Variants in CLYBL observed in about 807,000 individuals in gnomAD.
The protein encoded by CLYBL is citramalyl-CoA lyase, also known as citramalyl-CoA lyase, mitochondrial.
Under a neutral mutation model 38.9 loss-of-function variants are expected in CLYBL, and 31 were observed. The ratio of observed to expected loss-of-function variants is 0.80; its 90% CI spans 0.60 to 1.08. The LOEUF (loss-of-function observed/expected upper bound fraction) is 1.08. Ranked by LOEUF, CLYBL falls within the 50% of genes least tolerant of loss-of-function variation. The probability of loss-of-function intolerance (pLI) is 0.00; values close to 1 mark genes in which losing one functional copy is unlikely to be tolerated. For missense variants in CLYBL, 434 were observed against 411.6 expected, an observed-to-expected ratio of 1.05 and a Z score of -0.47; for synonymous variants, 171 against 158.6, an observed-to-expected ratio of 1.08 and a Z score of -0.59.
At chr13:99,800,894 CAAAAAAAAAA>C (rs1389621348) in intron 2 of CLYBL, among the ~76,000 whole-genome samples, 11 of 114,508 alleles carry the variant, frequency 9.6e-5, no homozygotes, top group African/African-American at 3.0e-4. Flanking sequence ...ACAACAACAA[CAAAAAAAAAA>C]AACAAAAAAA....
At chr13:99,790,063 C>T (rs565014365) in intron 2 of CLYBL, among the ~76,000 whole-genome samples, 3,506 of 152,088 alleles carry the variant, frequency 0.023, 142 homozygotes, top group African/African-American at 0.079. Context: ...GATCTTCCTC[C>T]ATCCCTTTAT....
chr13:99,714,562 A>C (rs2048283707), intron 1 of CLYBL, among the ~76,000 whole-genome samples: 2 of 152,114 alleles, frequency 1.3e-5, no homozygotes, highest in African/African-American at 4.8e-5. Context: ...GGTTGCAGTG[A>C]GTGGAGACTG....
chr13:99,664,542 T>G (rs1188294098), intron 1 of CLYBL, among the ~76,000 whole-genome samples: 1 of 152,226 alleles, frequency 6.6e-6, no homozygotes, highest in Non-Finnish European at 1.5e-5. Flanking sequence ...ACTTTATAAT[T>G]TCCATGTACT....
At chr13:99,791,881 A>G (rs998368533) in intron 2 of CLYBL, among the ~76,000 whole-genome samples, 3 of 151,966 alleles carry the variant, frequency 2.0e-5, no homozygotes, top group African/African-American at 4.8e-5. Context: ...AGGGTAATAT[A>G]TTGGGACAGA....
chr13:99,680,123 A>C (rs2047713692), intron 1 of CLYBL, among the ~76,000 whole-genome samples: 1 of 152,184 alleles, frequency 6.6e-6, no homozygotes, highest in South Asian at 2.1e-4. Context: ...CCTACTAATT[A>C]ATGGGGGAAT....
chr13:99,625,507 A>G (rs138481057), intron 1 of CLYBL, among the ~76,000 whole-genome samples: 2 of 152,194 alleles, frequency 1.3e-5, no homozygotes, highest in Non-Finnish European at 2.9e-5. Context: ...TTGAGGGATT[A>G]TTGTTAATGA....
intron 1 of CLYBL, among the ~76,000 whole-genome samples, chr13:99,669,408 A>ACGTGGT: frequency 6.6e-6 from 1 of 152,164 alleles, no homozygotes; most frequent in Non-Finnish European, 1.5e-5. Flanking sequence ...GCCATTTGCA[A>ACGTGGT]AAATTCCACA....
chr13:99,652,424 A>G (rs78077600), intron 1 of CLYBL, among the ~76,000 whole-genome samples: 1,947 of 152,136 alleles, frequency 0.013, 29 homozygotes, highest in Non-Finnish European at 0.019. Context: ...TAAAATACAG[A>G]TATTGGCCAG....
intron 3 of CLYBL, among the ~76,000 whole-genome samples, chr13:99,862,431 CT>C (rs1318861767): frequency 1.3e-5 from 2 of 152,112 alleles, no homozygotes; most frequent in Non-Finnish European, 2.9e-5. Context: ...AATTGGCGAG[CT>C]TTGGTCTTCA....
chr13:99,902,974 A>G (rs1480407868), intron 8 of CLYBL, among the ~76,000 whole-genome samples: 1 of 152,220 alleles, frequency 6.6e-6, no homozygotes, highest in Non-Finnish European at 1.5e-5. Flanking sequence ...TCCGTCTTTG[A>G]CTTGTATTTC....
chr13:99,819,915 T>TTA (rs1800752136), intron 2 of CLYBL, among the ~76,000 whole-genome samples: 1 of 152,180 alleles, frequency 6.6e-6, no homozygotes, highest in African/African-American at 2.4e-5. Flanking sequence ...TAGGAATGTT[T>TTA]TACCAGTGAT....
At chr13:99,879,904 G>A (rs987120955) in intron 7 of CLYBL, among the ~76,000 whole-genome samples, 1 of 152,000 alleles carries the variant, frequency 6.6e-6, no homozygotes, top group African/African-American at 2.4e-5. Context: ...CATGGGGCTG[G>A]TAATAATAAC....
intron 7 of CLYBL, among the ~76,000 whole-genome samples, chr13:99,881,797 A>C (rs1020975753): frequency 2.0e-5 from 3 of 152,194 alleles, no homozygotes; most frequent in Admixed American, 6.5e-5. Context: ...CAAGGACCAA[A>C]TATCACTGCC....
chr13:99,727,109 A>C (rs925864725), intron 1 of CLYBL: 13 of 151,804 alleles, frequency 8.6e-5, no homozygotes, highest in African/African-American at 3.1e-4. Context: ...CAGTGAGCCG[A>C]GATAATGCCA....
chr13:99,678,092 A>G (rs2047680698), intron 1 of CLYBL, among the ~76,000 whole-genome samples: 1 of 152,266 alleles, frequency 6.6e-6, no homozygotes, highest in African/African-American at 2.4e-5. Flanking sequence ...TAGCCATGCC[A>G]GCCTTATGAA....
At chr13:99,731,644 G>C (rs1488754123) in intron 1 of CLYBL, among the ~76,000 whole-genome samples, 2 of 152,166 alleles carry the variant, frequency 1.3e-5, no homozygotes, top group African/African-American at 4.8e-5. Flanking sequence ...TTCAAAGTCA[G>C]AGTAGACAGA....
At chr13:99,607,303 CAAAA>C (rs5806131) in intron 1 of CLYBL, among the ~76,000 whole-genome samples, 73 of 151,332 alleles carry the variant, frequency 4.8e-4, no homozygotes, top group African/African-American at 1.6e-3. Flanking sequence ...CATAACTTCT[CAAAA>C]AAAAAGTGAG....
intron 1 of CLYBL, among the ~76,000 whole-genome samples, chr13:99,611,292 G>A (rs2046622505): frequency 6.6e-6 from 1 of 152,206 alleles, no homozygotes; most frequent in Admixed American, 6.5e-5. Flanking sequence ...TTTTATGGAG[G>A]ATAGGATTTT....
intron 2 of CLYBL, among the ~76,000 whole-genome samples, chr13:99,794,520 T>C (rs2049982615): frequency 6.6e-6 from 1 of 151,938 alleles, no homozygotes; most frequent in African/African-American, 2.4e-5. Flanking sequence ...ATAGTATTCT[T>C]TTCAGTTTTT....
Sources: allele counts gnomAD v4.1 joint callset (sites outside exome capture counted in the v4.1 genomes callset), GRCh38; gene constraint gnomAD v4.1.1; transcripts MANE v1.5; gene names NCBI Gene and HGNC (gene_info 2026-07-23, HGNC 2026-07-21).